DPP6: variants seen among roughly 807,000 people sequenced by gnomAD.
DPP6 encodes the protein A-type potassium channel modulatory protein DPP6.
A neutral mutation model predicts 122.6 loss-of-function variants in DPP6; 69 were observed. The ratio of observed to expected loss-of-function variants is 0.56; its 90% CI spans 0.46 to 0.69. The LOEUF is 0.69. Ranked by LOEUF, DPP6 falls within the 30% of genes least tolerant of loss-of-function variation. The pLI, the probability that DPP6 is intolerant of heterozygous loss-of-function variation, is 0.00. For synonymous variants in DPP6, 418 were observed against 433.1 expected (o/e 0.97, Z 0.43); for missense variants, 928 against 1,116.9 (o/e 0.83, Z 2.41).
At chr7:154,277,091 G>A (rs562099387) in intron 1 of DPP6, among the ~76,000 whole-genome samples, 1 of 152,308 alleles carries the variant, frequency 6.6e-6, no homozygotes, top group East Asian at 1.9e-4. Context: ...TATAGTATGA[G>A]CTAAAGCAAG....
intron 1 of DPP6, among the ~76,000 whole-genome samples, chr7:154,375,941 T>G (rs939774713): frequency 6.6e-6 from 1 of 152,190 alleles, no homozygotes; most frequent in African/African-American, 2.4e-5. Flanking sequence ...TATACTCACC[T>G]GCTGGCCCAC....
chr7:154,035,249 G>A (rs372927215), intron 1 of DPP6, among the ~76,000 whole-genome samples: 7 of 152,360 alleles, frequency 4.6e-5, no homozygotes, highest in African/African-American at 1.4e-4. Context: ...TGAAGGCTCC[G>A]TTCGTAAAGA....
At chr7:154,385,117 C>T (rs1039960468) in intron 1 of DPP6, among the ~76,000 whole-genome samples, 38 of 152,102 alleles carry the variant, frequency 2.5e-4, no homozygotes, top group Non-Finnish European at 4.9e-4. Context: ...CTACAGGTGC[C>T]CGCCACCATG....
intron 1 of DPP6, among the ~76,000 whole-genome samples, chr7:154,297,069 T>G (rs899478143): frequency 1.4e-5 from 2 of 138,126 alleles, no homozygotes; most frequent in African/African-American, 6.4e-5. Flanking sequence ...TTCTGTTTTT[T>G]TTTTTTTGTT....
chr7:154,431,441 CCTTTCTTTTCTTTT>C (rs1385802023), intron 1 of DPP6, among the ~76,000 whole-genome samples: 8 of 82,770 alleles, frequency 9.7e-5, no homozygotes, highest in Non-Finnish European at 2.1e-4. Context: ...GTTTTTCTTT[CCTTTCTTTTCTTTT>C]CTTTTCTTTT....
chr7:154,748,855 G>GAC (rs1843165942), intron 8 of DPP6, among the ~76,000 whole-genome samples: 1 of 152,228 alleles, frequency 6.6e-6, no homozygotes, highest in Non-Finnish European at 1.5e-5. Flanking sequence ...TCTAGGGAGG[G>GAC]TGGAGGCCCA....
intron 2 of DPP6, among the ~76,000 whole-genome samples, chr7:154,460,925 T>C (rs893490826): frequency 6.6e-6 from 1 of 152,208 alleles, no homozygotes; most frequent in Non-Finnish European, 1.5e-5. Flanking sequence ...ATTGTTATGC[T>C]ATCAAATAGT....
chr7:154,010,230 T>C (rs1379785442), intron 1 of DPP6, among the ~76,000 whole-genome samples: 5 of 152,228 alleles, frequency 3.3e-5, no homozygotes, highest in Non-Finnish European at 5.9e-5. Context: ...CAAAGCTTTA[T>C]ACACCTTTCA....
intron 1 of DPP6, among the ~76,000 whole-genome samples, chr7:153,900,277 C>A (rs1799589784): frequency 6.6e-6 from 1 of 150,882 alleles, no homozygotes; most frequent in African/African-American, 2.4e-5. Context: ...CTTTTTCAAC[C>A]TCTGCCCTAA....
At chr7:154,391,922 T>A (rs752867943) in intron 1 of DPP6, among the ~76,000 whole-genome samples, 3 of 152,154 alleles carry the variant, frequency 2.0e-5, no homozygotes, top group Non-Finnish European at 4.4e-5. Context: ...TATGACCATA[T>A]TACCAGAAGA....
intron 5 of DPP6, among the ~76,000 whole-genome samples, chr7:154,615,955 CA>C (rs1268966089): frequency 6.6e-6 from 1 of 152,168 alleles, no homozygotes; most frequent in African/African-American, 2.4e-5. Context: ...TTGCCTATTC[CA>C]GGTACCTCGT....
intron 1 of DPP6, among the ~76,000 whole-genome samples, chr7:154,342,417 C>G (rs1033505902): frequency 2.0e-5 from 3 of 152,198 alleles, no homozygotes; most frequent in Admixed American, 2.0e-4. Context: ...TCTGTCCAGC[C>G]TACCTTTTCT....
At chr7:153,937,976 T>C (rs934774597) in intron 1 of DPP6, among the ~76,000 whole-genome samples, 3 of 152,186 alleles carry the variant, frequency 2.0e-5, no homozygotes, top group African/African-American at 7.2e-5. Context: ...CAAAAAAATA[T>C]ATGACAGGTG....
At chr7:154,435,194 G>C (rs1432573396) in intron 1 of DPP6, among the ~76,000 whole-genome samples, 1 of 152,054 alleles carries the variant, frequency 6.6e-6, no homozygotes, top group Non-Finnish European at 1.5e-5. Flanking sequence ...GTGAGAGAGA[G>C]TGGCAGAGGG....
rs144829826 is a variant in DPP6, at chr7:154,298,922, C to T, written c.244-147292C>T. 3.1e-3 allele frequency among the ~76,000 whole-genome samples: 470 copies of T among 152,298 alleles called. 1 individual carries two copies. The highest frequency in any genetic ancestry group is 0.011 in the African/African-American group (450 of 41,566). ...TGGCTCTGGTCTGCGTTCTCATCCG[C>T]GAGACCCTCGGCCTCCCTGCCCACA... is the stretch of plus-strand genomic sequence containing the variant. On this transcript the variant is annotated intron_variant, in intron 1 of 25. Coordinates refer to ENST00000377770, the MANE Select transcript of DPP6 (RefSeq NM_130797.4).
At chr7:154,359,212 C>T (rs190136466) in intron 1 of DPP6, among the ~76,000 whole-genome samples, 8 of 152,272 alleles carry the variant, frequency 5.3e-5, no homozygotes, top group African/African-American at 1.7e-4. Flanking sequence ...CTGGGTGTTT[C>T]GGGTGGTCTG....
intron 1 of DPP6, among the ~76,000 whole-genome samples, chr7:154,344,394 A>G (rs577095169): frequency 1.3e-5 from 2 of 152,336 alleles, no homozygotes; most frequent in African/African-American, 2.4e-5. Flanking sequence ...AAAATGGCTT[A>G]TATCCAAAAG....
intron 1 of DPP6, among the ~76,000 whole-genome samples, chr7:154,235,184 C>T (rs1035466242): frequency 6.6e-6 from 1 of 152,194 alleles, no homozygotes; most frequent in African/African-American, 2.4e-5. Flanking sequence ...ACTCTGCATC[C>T]TCTGTCCCCA....
At chr7:154,423,697 A>G (rs1236079300) in intron 1 of DPP6, among the ~76,000 whole-genome samples, 1 of 152,242 alleles carries the variant, frequency 6.6e-6, no homozygotes, top group Non-Finnish European at 1.5e-5. Flanking sequence ...TAAGCAAACT[A>G]TGTTGTCAAG....
Sources: gnomAD v4.1 joint callset for allele counts (sites outside exome capture counted in the v4.1 genomes callset) on GRCh38, gnomAD v4.1.1 for gene constraint, MANE v1.5 for transcripts, NCBI Gene and HGNC (gene_info 2026-07-23, HGNC 2026-07-21) for gene names.